The following GDF1 variants were observed in gnomAD, a reference collection of about 807,000 sequenced individuals.
GDF1 encodes embryonic growth/differentiation factor 1.
Under a neutral mutation model 7.4 loss-of-function variants are expected in GDF1, and 8 were observed. The observed-to-expected ratio is 1.09, with a 90% CI of 0.64 to 1.96. The LOEUF (loss-of-function observed/expected upper bound fraction) is 1.96. Ranked by LOEUF, GDF1 falls within the 30% of genes most tolerant of loss-of-function variation. The pLI is 0.00. For synonymous variants in GDF1, 311 were observed against 276.7 expected (o/e 1.12, Z -1.23); for missense variants, 574 against 551.5 (o/e 1.04, Z -0.41).
At chr19:18,877,409 C>T (rs7259353) in intron 6 of GDF1, among the ~76,000 whole-genome samples, 59,254 of 151,970 alleles carry the variant, frequency 0.39, 11,724 homozygotes, top group South Asian at 0.53. Context: ...CTTTAGCCAT[C>T]GCCACCTTTG....
chr19:18,893,602 C>A (rs1246583008), intron 1 of GDF1, 27 bp from the exon 2 acceptor site: 1 of 1,590,560 alleles, frequency 6.3e-7, no homozygotes, highest in South Asian at 1.1e-5. Context: ...AGGCGGGCAG[C>A]CATTGGTGCT....
At chr19:18,875,542 CAAAA>C (rs886609723) in intron 6 of GDF1, among the ~76,000 whole-genome samples, 1 of 97,338 alleles carries the variant, frequency 1.0e-5, no homozygotes. Context: ...GACACTGTCT[CAAAA>C]AAAAAAAAAA....
chr19:18,895,583 C>G lies in GDF1; in HGVS notation c.-1074+241G>C, dbSNP rs2056605752. 6.6e-6 allele frequency among the ~76,000 whole-genome samples: 1 copy of G among 152,002 alleles called. No homozygotes were observed. The highest frequency in any genetic ancestry group is 6.5e-5 in the Admixed American group (1 of 15,276). ...TCACCCCAGCCCGGCCACACCCCCG[C>G]ATCTACCCGGTTCCCCCACGCAGCA... On this transcript the variant is annotated intron_variant, in intron 1 of 7. Transcript: ENST00000247005. This position sits in a 1 kb window ranked among gnomAD's most constrained non-coding sequence, Gnocchi z 6.4.
In GDF1 at chr19:18,879,322, G is replaced by T; in HGVS notation, c.-504C>A. On this transcript the variant is annotated 5_prime_UTR_variant, in exon 5 of 8. Coordinates refer to ENST00000247005, the MANE Select transcript of GDF1 (RefSeq NM_001492.6). ...AGTAGAAGGGGATGTCAGGCACCGT[G>T]CGCAGACTGCAGTGACTGGTGGCAT... 1 of 1,609,650 alleles carries T rather than the reference G, an allele frequency of 6.2e-7. No individual in the cohort carries two copies. Among genetic ancestry groups the T allele is most frequent in the Non-Finnish European group, 8.5e-7 (1 of 1,178,102 alleles).
At chr19:18,890,777 T>C (rs2056469579) in intron 2 of GDF1, among the ~76,000 whole-genome samples, 1 of 114,826 alleles carries the variant, frequency 8.7e-6, no homozygotes, top group Admixed American at 1.1e-4. Context: ...TAAGACCGCG[T>C]CTGGGGAAAA....
intron 2 of GDF1, among the ~76,000 whole-genome samples, chr19:18,886,593 C>T (rs1040430583): frequency 3.3e-5 from 5 of 152,084 alleles, no homozygotes; most frequent in African/African-American, 4.8e-5. Flanking sequence ...CAAAAAAAGG[C>T]GGGAAGCCAT....
chr19:18,881,073 G>T (rs1265852187), intron 3 of GDF1, among the ~76,000 whole-genome samples: 1 of 152,034 alleles, frequency 6.6e-6, no homozygotes, highest in Non-Finnish European at 1.5e-5. Flanking sequence ...TCACAGGCCT[G>T]GGGTACTCTG....
intron 6 of GDF1, among the ~76,000 whole-genome samples, chr19:18,873,841 GAA>G (rs35266368): frequency 6.8e-5 from 8 of 116,826 alleles, no homozygotes; most frequent in Admixed American, 1.8e-4. Flanking sequence ...ACTCTGTCTC[GAA>G]AAAAAAAAAA....
At chr19:18,871,764 A>G (rs571686101) in intron 6 of GDF1, among the ~76,000 whole-genome samples, 107 of 152,296 alleles carry the variant, frequency 7.0e-4, no homozygotes, top group African/African-American at 2.2e-3. Flanking sequence ...CTGAGAGGAG[A>G]TAAGCCTTGC....
chr19:18,879,163 C>T lies in GDF1; in HGVS notation c.-423+78G>A, dbSNP rs113392285. 1,247 of 1,599,540 alleles carry T rather than the reference C, an allele frequency of 7.8e-4. 10 individuals carry two copies. In the African/African-American group the frequency reaches 0.014, roughly 18 times the overall value. On this transcript the variant is annotated intron_variant, in intron 5 of 7. Coordinates refer to ENST00000247005, the MANE Select transcript of GDF1 (RefSeq NM_001492.6). Reference sequence around the variant, plus strand: ...GTCTGCCACCTAACGTGCCCCTCCCCGGGACTGCCTGAGGAGGGGACAGGG... The same window carrying T: ...GTCTGCCACCTAACGTGCCCCTCCCTGGGACTGCCTGAGGAGGGGACAGGG...
Position 18,882,828 on chromosome 19 carries a change from G to C in GDF1, c.-733+1259C>G, listed in dbSNP as rs987931025. 2.0e-5 allele frequency among the ~76,000 whole-genome samples: 3 copies of C among 151,926 alleles called. No homozygotes were observed. The East Asian group carries it at 5.9e-4, about 30-fold the overall frequency. On this transcript the variant is annotated intron_variant, in intron 3 of 7. Coordinates refer to ENST00000247005, the MANE Select transcript of GDF1 (RefSeq NM_001492.6). ...CTGTCTCAGCCTCCTGAGTAGCTGG[G>C]ACTACAGGCGCCCACCACCACGCCC... is the stretch of plus-strand genomic sequence containing the variant.
chr19:18,889,353 G>C (rs12974873), intron 2 of GDF1, among the ~76,000 whole-genome samples: 72,931 of 151,554 alleles, frequency 0.48, 18,186 homozygotes, highest in African/African-American at 0.61. Context: ...CCCCCCAACC[G>C]TCCTGTAGCT....
intron 2 of GDF1, among the ~76,000 whole-genome samples, chr19:18,890,227 C>A (rs1245153333): frequency 1.3e-5 from 2 of 152,220 alleles, no homozygotes; most frequent in African/African-American, 4.8e-5. Context: ...CCACCCCTGT[C>A]CCTGCTAAAA....
chr19:18,873,072 TGAG>T (rs146877623), intron 6 of GDF1, among the ~76,000 whole-genome samples: 2,310 of 152,132 alleles, frequency 0.015, 141 homozygotes, highest in Admixed American at 0.11. Flanking sequence ...TCTTCATAGA[TGAG>T]GAGGAGAGGG....
At chr19:18,893,980 T>A (rs908174119) in intron 1 of GDF1, among the ~76,000 whole-genome samples, 1 of 150,786 alleles carries the variant, frequency 6.6e-6, no homozygotes, top group Non-Finnish European at 1.5e-5. Flanking sequence ...GAGAGCCCCA[T>A]GGGACCGACA....
chr19:18,887,154 T>C (rs2056382231), intron 2 of GDF1, among the ~76,000 whole-genome samples: 2 of 152,088 alleles, frequency 1.3e-5, no homozygotes, highest in African/African-American at 2.4e-5. Context: ...CTCCACACAG[T>C]GGAATACTAT....
chr19:18,870,413 G>C lies in GDF1; in HGVS notation c.-106C>G. ...CCCGGAGGGGCAGGGGTCCTGGGGGGCGTGGCCGGGAACTGGAGGCAGGAT... is the reference window on the plus strand; with the variant it reads ...CCCGGAGGGGCAGGGGTCCTGGGGGCCGTGGCCGGGAACTGGAGGCAGGAT... On this transcript the variant is annotated 5_prime_UTR_variant, in exon 7 of 8. Transcript: ENST00000247005. This position sits in a 1 kb window ranked among gnomAD's most constrained non-coding sequence, Gnocchi z 5.1. 3.9e-6 allele frequency: 5 copies of C among 1,285,694 alleles called. No homozygotes were observed. Among genetic ancestry groups the C allele is most frequent in the Admixed American group, 4.2e-5 (2 of 47,406 alleles). The allele number at this position is 1,285,694 out of a possible 1,614,324, so 79.6% of individuals were successfully genotyped here.
At chr19:18,882,518 G>A (rs1165971248) in intron 3 of GDF1, among the ~76,000 whole-genome samples, 3 of 151,520 alleles carry the variant, frequency 2.0e-5, no homozygotes, top group Non-Finnish European at 2.9e-5. Flanking sequence ...TGTAATCCCA[G>A]CTACTTGGGA....
chr19:18,887,577 T>C (rs1245386006), intron 2 of GDF1, among the ~76,000 whole-genome samples: 1 of 152,054 alleles, frequency 6.6e-6, no homozygotes, highest in Non-Finnish European at 1.5e-5. Context: ...AAACCCTGTC[T>C]GTACTAAAAA....
Sources: gnomAD v4.1 joint callset for allele counts (sites outside exome capture counted in the v4.1 genomes callset) on GRCh38, gnomAD v4.1.1 for gene constraint, Gnocchi (gnomAD v3.1) non-coding constraint, MANE v1.5 for transcripts, NCBI Gene and HGNC (gene_info 2026-07-23, HGNC 2026-07-21) for gene names.